MARCHF1: variants seen among roughly 807,000 people sequenced by gnomAD.
MARCHF1 encodes E3 ubiquitin-protein ligase MARCHF1.
Under a neutral mutation model 54.2 loss-of-function variants are expected in MARCHF1, and 40 were observed. The observed-to-expected ratio is 0.74, with a 90% CI of 0.57 to 0.96. The LOEUF (loss-of-function observed/expected upper bound fraction) is 0.96. MARCHF1 is among the 40% of genes least tolerant of loss of function. The pLI is 0.00. For synonymous variants in MARCHF1, 236 were observed against 236.3 expected (o/e 1.00, Z 0.01); for missense variants, 586 against 656.5 (o/e 0.89, Z 1.17).
intron 3 of MARCHF1, among the ~76,000 whole-genome samples, chr4:163,897,243 G>A (rs2111294237): frequency 6.6e-6 from 1 of 152,222 alleles, no homozygotes; most frequent in Non-Finnish European, 1.5e-5. Flanking sequence ...AATATCTGAT[G>A]TCAACAACTT....
intron 1 of MARCHF1, among the ~76,000 whole-genome samples, chr4:164,176,980 C>CTCTCTATATATATATA (rs1466683245): frequency 6.8e-5 from 4 of 58,896 alleles, no homozygotes; most frequent in African/African-American, 2.9e-4. Context: ...CTCTCTCTCT[C>CTCTCTATATATATATA]TATATATATA....
At chr4:164,060,120 T>A (rs561593017) in intron 2 of MARCHF1, among the ~76,000 whole-genome samples, 1 of 152,212 alleles carries the variant, frequency 6.6e-6, no homozygotes, top group East Asian at 1.9e-4. Flanking sequence ...TCTACCAAAT[T>A]GTTGTTTTGT....
intron 1 of MARCHF1, among the ~76,000 whole-genome samples, chr4:164,172,998 T>G (rs1579593834): frequency 2.7e-5 from 3 of 111,586 alleles, no homozygotes; most frequent in Admixed American, 9.1e-5. Flanking sequence ...AAAAAAAAAG[T>G]CACTGTAATA....
At chr4:164,208,439 G>C (rs1731672878) in intron 1 of MARCHF1, among the ~76,000 whole-genome samples, 1 of 152,180 alleles carries the variant, frequency 6.6e-6, no homozygotes, top group Non-Finnish European at 1.5e-5. Flanking sequence ...ACCCAAAGCT[G>C]AGTATTTGTA....
intron 4 of MARCHF1, among the ~76,000 whole-genome samples, chr4:163,786,645 G>C (rs1296144082): frequency 1.3e-5 from 2 of 151,846 alleles, no homozygotes; most frequent in Non-Finnish European, 2.9e-5. Context: ...AAAAAGTTTA[G>C]TTGGATGCCA....
intron 7 of MARCHF1, among the ~76,000 whole-genome samples, chr4:163,604,853 T>C (rs1579104589): frequency 6.6e-6 from 1 of 152,112 alleles, no homozygotes; most frequent in African/African-American, 2.4e-5. Flanking sequence ...CTTGGCTTAC[T>C]CTTACTTCTC....
At chr4:163,573,468 C>G (rs1739915628) in intron 8 of MARCHF1, among the ~76,000 whole-genome samples, 1 of 112,392 alleles carries the variant, frequency 8.9e-6, no homozygotes, top group South Asian at 3.8e-4. Context: ...CCCCCTCCCC[C>G]CACCCCACAA....
rs1410064469 is a variant in MARCHF1 at position 163,528,107 on chromosome 4, T to TGAC, written c.*638_*640dup. The TGAC allele has an allele frequency of 1.3e-5, 2 of 152,506 alleles. No homozygotes were observed. The highest frequency in any genetic ancestry group is 4.8e-5 in the African/African-American group (2 of 41,428). The allele number at this position is 152,506 out of a possible 1,614,324, so 9.4% of individuals were successfully genotyped here. A position where few individuals can be genotyped will look rare whatever the true frequency, so the allele number is the denominator to read the frequency against. On this transcript the variant is annotated 3_prime_UTR_variant, in exon 10 of 10. Coordinates refer to ENST00000514618, the MANE Select transcript of MARCHF1 (RefSeq NM_001394959.1). Reference sequence around the variant, plus strand: ...GAACATTTTCTGAAAATCTTTTGCGTGACTTAAACAAACGTAATTAATTCC... The same window carrying TGAC: ...GAACATTTTCTGAAAATCTTTTGCGTGACGACTTAAACAAACGTAATTAATTCC...
chr4:164,131,928 C>T (rs112874667), intron 1 of MARCHF1, among the ~76,000 whole-genome samples: 1,531 of 152,132 alleles, frequency 0.01, 27 homozygotes, highest in East Asian at 0.08. Flanking sequence ...ACATACTAGT[C>T]CTCTCCAGAA....
At chr4:164,036,994 T>C (rs1754019848) in intron 2 of MARCHF1, among the ~76,000 whole-genome samples, 1 of 152,108 alleles carries the variant, frequency 6.6e-6, no homozygotes, top group East Asian at 1.9e-4. Flanking sequence ...TATTTAAAGA[T>C]ACAGACAACA....
intron 2 of MARCHF1, among the ~76,000 whole-genome samples, chr4:164,097,943 C>A (rs938320318): frequency 6.6e-6 from 1 of 152,158 alleles, no homozygotes; most frequent in Admixed American, 6.5e-5. Context: ...GAAGCTGGAC[C>A]TGCTACTATT....
chr4:163,869,012 A>G (rs2111211399), intron 3 of MARCHF1, among the ~76,000 whole-genome samples: 1 of 137,242 alleles, frequency 7.3e-6, no homozygotes, highest in South Asian at 2.6e-4. Context: ...TGTGTCTAAC[A>G]GTCTCTTTAA....
chr4:164,194,468 AT>A (rs1269713488), intron 1 of MARCHF1, among the ~76,000 whole-genome samples: 1 of 152,214 alleles, frequency 6.6e-6, no homozygotes, highest in East Asian at 1.9e-4. Flanking sequence ...GTAATATAAA[AT>A]AAAACATAGT....
intron 4 of MARCHF1, among the ~76,000 whole-genome samples, chr4:163,780,691 A>G (rs929464618): frequency 1.1e-4 from 16 of 152,238 alleles, no homozygotes; most frequent in African/African-American, 3.9e-4. Flanking sequence ...AAAAGTGTGC[A>G]TAGCTATTAG....
At chr4:164,148,162 C>CAA (rs1729819105) in intron 1 of MARCHF1, among the ~76,000 whole-genome samples, 1 of 151,734 alleles carries the variant, frequency 6.6e-6, no homozygotes, top group Non-Finnish European at 1.5e-5. Context: ...CACACACACA[C>CAA]ACACACACTC....
At position 163,528,529 on chromosome 4, in the gene MARCHF1, T is replaced by C. The variant is rs1738220864; in HGVS notation, c.*219A>G. On this transcript the variant is annotated 3_prime_UTR_variant, in exon 10 of 10. Coordinates refer to ENST00000514618, the MANE Select transcript of MARCHF1 (RefSeq NM_001394959.1). ...AATCATTCTCTTGCAAACTTCACAT[T>C]TCCATATCATACTTTACTTTACGCT... The C allele has an allele frequency of 4.0e-6, 2 of 495,448 alleles. No individual in the cohort carries two copies. The highest frequency in any genetic ancestry group is 7.1e-6 in the Non-Finnish European group (2 of 280,650). 30.7% of individuals were successfully genotyped at this position (495,448 alleles called of 1,614,324 possible).
chr4:164,098,891 G>C (rs1755473225), intron 2 of MARCHF1, among the ~76,000 whole-genome samples: 1 of 152,148 alleles, frequency 6.6e-6, no homozygotes, highest in Non-Finnish European at 1.5e-5. Flanking sequence ...TGCTAATTTA[G>C]AAAAGGGCCA....
At chr4:164,199,962 T>C (rs1396834044) in intron 1 of MARCHF1, among the ~76,000 whole-genome samples, 2 of 152,194 alleles carry the variant, frequency 1.3e-5, no homozygotes, top group Non-Finnish European at 2.9e-5. Context: ...GCTACTTTTG[T>C]GCCTATGTAC....
At chr4:164,106,939 A>G (rs976303158) in intron 2 of MARCHF1, among the ~76,000 whole-genome samples, 2 of 152,146 alleles carry the variant, frequency 1.3e-5, no homozygotes. Context: ...GGCTGATACA[A>G]GAAACAACCA....
Sources: allele counts gnomAD v4.1 joint callset (sites outside exome capture counted in the v4.1 genomes callset), GRCh38; gene constraint gnomAD v4.1.1; transcripts MANE v1.5; gene names NCBI Gene and HGNC (gene_info 2026-07-23, HGNC 2026-07-21).